GRID2: variants seen among roughly 807,000 people sequenced by gnomAD.
GRID2 encodes glutamate ionotropic receptor delta type subunit 2, also known as glutamate receptor ionotropic, delta-2.
GRID2 carries 33 observed loss-of-function variants against 114.8 expected under a neutral mutation model. The ratio of observed to expected loss-of-function variants is 0.29; its 90% CI spans 0.22 to 0.38. The LOEUF is 0.38. Ranked by LOEUF, GRID2 falls within the 10% of genes least tolerant of loss-of-function variation. The pLI, the probability that GRID2 is intolerant of heterozygous loss-of-function variation, is 1.00. For synonymous variants in GRID2, 505 were observed against 449.9 expected, an observed-to-expected ratio of 1.12 and a Z score of -1.55; for missense variants, 1,184 against 1,257.7, an observed-to-expected ratio of 0.94 and a Z score of 0.89.
chr4:92,473,328 C>T (rs1460778254), intron 1 of GRID2, among the ~76,000 whole-genome samples: 1 of 151,988 alleles, frequency 6.6e-6, no homozygotes, highest in Non-Finnish European at 1.5e-5. Context: ...CTTTTTGTAG[C>T]TTCTGTTGGA....
chr4:92,645,979 T>C (rs1731596130), intron 2 of GRID2, among the ~76,000 whole-genome samples: 1 of 151,798 alleles, frequency 6.6e-6, no homozygotes, highest in African/African-American at 2.4e-5. Context: ...TCAAATGTCC[T>C]AGGAGTAGAA....
chr4:92,931,244 G>A (rs2149520475), intron 2 of GRID2, among the ~76,000 whole-genome samples: 1 of 150,758 alleles, frequency 6.6e-6, no homozygotes, highest in Non-Finnish European at 1.5e-5. Context: ...GAATAAAGGA[G>A]AAATAACTTA....
At chr4:92,591,718 TGTTA>T (rs1020969964) in intron 2 of GRID2, among the ~76,000 whole-genome samples, 2 of 152,172 alleles carry the variant, frequency 1.3e-5, no homozygotes, top group African/African-American at 4.8e-5. Flanking sequence ...AACTTATTTA[TGTTA>T]GTTAGAAAAT....
chr4:92,622,499 G>A (rs1579704745), intron 2 of GRID2, among the ~76,000 whole-genome samples: 2 of 151,652 alleles, frequency 1.3e-5, no homozygotes, highest in South Asian at 4.2e-4. Flanking sequence ...TAAGAATGAG[G>A]GGAAAATTAA....
At position 93,369,627 on chromosome 4, in the gene GRID2, G is replaced by A. The variant is rs1363364283; in HGVS notation, c.1246-25980G>A. ...CCTCAGCCTCCCAAGTAGTTTAGAG[G>A]ACAGGTGCATGCCACCACACACAGC... On this transcript the variant is annotated intron_variant, in intron 8 of 15. Coordinates refer to ENST00000282020, the MANE Select transcript of GRID2 (RefSeq NM_001510.4). Among the ~76,000 whole-genome samples the A allele has an allele frequency of 1.3e-3, 201 of 152,020 alleles. 3 individuals carry two copies. Among genetic ancestry groups the A allele is most frequent in the Non-Finnish European group, 1.3e-4 (9 of 67,982 alleles).
intron 13 of GRID2, among the ~76,000 whole-genome samples, chr4:93,532,547 G>T (rs1190649443): frequency 1.3e-5 from 2 of 152,132 alleles, no homozygotes; most frequent in Admixed American, 1.3e-4. Flanking sequence ...CAGCCTGCAG[G>T]AGAGTTGTGA....
At chr4:92,769,994 A>AT (rs112033701) in intron 2 of GRID2, among the ~76,000 whole-genome samples, 13,248 of 152,150 alleles carry the variant, frequency 0.087, 660 homozygotes, top group African/African-American at 0.14. Flanking sequence ...AGAAAATGAG[A>AT]TTTAATTTCT....
chr4:92,556,255 A>G (rs1232347558), intron 1 of GRID2, among the ~76,000 whole-genome samples: 2 of 152,140 alleles, frequency 1.3e-5, no homozygotes, highest in African/African-American at 2.4e-5. Flanking sequence ...CTCATTTTTT[A>G]TATCCTTCTT....
intron 1 of GRID2, among the ~76,000 whole-genome samples, chr4:92,494,399 C>T (rs1426857317): frequency 2.0e-5 from 3 of 151,644 alleles, no homozygotes; most frequent in Non-Finnish European, 2.9e-5. Context: ...TTTAGATAAC[C>T]AGGTCATTAG....
chr4:93,529,007 A>G (rs2149511020), intron 13 of GRID2, among the ~76,000 whole-genome samples: 1 of 152,298 alleles, frequency 6.6e-6, no homozygotes, highest in East Asian at 1.9e-4. Flanking sequence ...ATTAGTGTCA[A>G]TATTTATATC....
rs565523122 is a variant in GRID2, at chr4:92,921,988, G to C, written c.245-163007G>C. ...GGCCGGCCTCCTTGAGCTTTGGTGG[G>C]CTCCACCCAGTTCAAGCTTCCTGGC... On this transcript the variant is annotated intron_variant, in intron 2 of 15. Coordinates refer to ENST00000282020, the MANE Select transcript of GRID2 (RefSeq NM_001510.4). 2.0e-5 allele frequency among the ~76,000 whole-genome samples: 3 copies of C among 152,278 alleles called. No individual in the cohort carries two copies. In the South Asian group the frequency reaches 6.2e-4, roughly 32 times the overall value.
chr4:93,627,701 T>C (rs1742849552), intron 14 of GRID2, among the ~76,000 whole-genome samples: 1 of 152,204 alleles, frequency 6.6e-6, no homozygotes, highest in African/African-American at 2.4e-5. Context: ...CTGTTCTCAT[T>C]GCAAAGAGCA....
chr4:92,919,531 C>T, intron 2 of GRID2, among the ~76,000 whole-genome samples: 1 of 152,172 alleles, frequency 6.6e-6, no homozygotes, highest in Non-Finnish European at 1.5e-5. Context: ...GAATGTGTCC[C>T]AGAGATTCTG....
chr4:93,585,378 G>C (rs1172301342), intron 13 of GRID2, among the ~76,000 whole-genome samples: 1 of 152,104 alleles, frequency 6.6e-6, no homozygotes, highest in Non-Finnish European at 1.5e-5. Flanking sequence ...AGTTAGAATT[G>C]TGTACGCTGA....
intron 13 of GRID2, among the ~76,000 whole-genome samples, chr4:93,542,638 G>A (rs1438787769): frequency 6.6e-6 from 1 of 152,152 alleles, no homozygotes; most frequent in Non-Finnish European, 1.5e-5. Flanking sequence ...CCCCAAGGAA[G>A]ATGCTGAAAA....
At chr4:92,405,893 G>C (rs1332290506) in intron 1 of GRID2, among the ~76,000 whole-genome samples, 1 of 152,062 alleles carries the variant, frequency 6.6e-6, no homozygotes, top group Non-Finnish European at 1.5e-5. Context: ...AGTTTATTAA[G>C]TATTAAATTA....
At chr4:93,022,837 T>C (rs1723510294) in intron 2 of GRID2, among the ~76,000 whole-genome samples, 1 of 152,068 alleles carries the variant, frequency 6.6e-6, no homozygotes, top group Non-Finnish European at 1.5e-5. Context: ...AAATGTTTTC[T>C]TTGCCTGCTG....
chr4:92,566,725 T>C (rs1727353971), intron 1 of GRID2, among the ~76,000 whole-genome samples: 1 of 152,032 alleles, frequency 6.6e-6, no homozygotes, highest in South Asian at 2.1e-4. Context: ...ATTGGAAGAA[T>C]TTCTATGTAA....
Position 92,927,537 on chromosome 4 carries a change from C to CA in GRID2, c.245-157452dup, listed in dbSNP as rs574625352. Among the ~76,000 whole-genome samples the CA allele has an allele frequency of 3.1e-4, 47 of 151,818 alleles. No homozygotes were observed. In the East Asian group the frequency reaches 8.0e-3, roughly 26 times the overall value. ...AAAAAGAGAAACCTGATCCTAGGTA[C>CA]AAAAAATCATTTATAATGGGTAGTA... is the stretch of plus-strand genomic sequence containing the variant. On this transcript the variant is annotated intron_variant, in intron 2 of 15. Transcript: ENST00000282020.
Sources: gnomAD v4.1 joint callset for allele counts (sites outside exome capture counted in the v4.1 genomes callset) on GRCh38, gnomAD v4.1.1 for gene constraint, MANE v1.5 for transcripts, NCBI Gene and HGNC (gene_info 2026-07-23, HGNC 2026-07-21) for gene names.